Variants in MGAT4C observed in about 807,000 individuals in gnomAD.
MGAT4C encodes the protein MGAT4 family member C.
In MGAT4C, 19 loss-of-function variants were observed where a neutral mutation model predicts 40.1. That is an observed-to-expected ratio of 0.47 (90% CI 0.33 to 0.70). MGAT4C has a LOEUF of 0.70. MGAT4C is among the 30% of genes least tolerant of loss of function. The pLI is 0.02. For synonymous variants in MGAT4C, 181 were observed against 187.1 expected (o/e 0.97, Z 0.27); for missense variants, 491 against 563.2 (o/e 0.87, Z 1.30).
At chr12:86,530,232 T>C (rs989907551) in intron 2 of MGAT4C, among the ~76,000 whole-genome samples, 1 of 151,986 alleles carries the variant, frequency 6.6e-6, no homozygotes. Flanking sequence ...AAACCCCTTA[T>C]AATCCTTGGC....
At chr12:86,564,753 T>C (rs749999160) in intron 2 of MGAT4C, among the ~76,000 whole-genome samples, 3 of 152,164 alleles carry the variant, frequency 2.0e-5, no homozygotes, top group Non-Finnish European at 2.9e-5. Flanking sequence ...AGGCAACACA[T>C]GCCTCATTTG....
At chr12:86,259,987 C>A (rs1027088761), upstream of MGAT4C, among the ~76,000 whole-genome samples, 2 of 151,850 alleles carry the variant, frequency 1.3e-5, no homozygotes, top group African/African-American at 4.8e-5. Context: ...TGAGAGGAAG[C>A]TAACCAATTT....
chr12:86,650,132 A>G (rs1963655132), intron 2 of MGAT4C, among the ~76,000 whole-genome samples: 1 of 151,912 alleles, frequency 6.6e-6, no homozygotes, highest in Non-Finnish European at 1.5e-5. Flanking sequence ...CAGAATATAT[A>G]TCCTCTGACA....
chr12:86,152,671 C>A (rs1884441130), intron 1 of MGAT4C, among the ~76,000 whole-genome samples: 1 of 152,192 alleles, frequency 6.6e-6, no homozygotes, highest in Admixed American at 6.5e-5. Flanking sequence ...CTTTTATTCA[C>A]ATGACATGCA....
intron 1 of MGAT4C, among the ~76,000 whole-genome samples, chr12:86,804,764 C>T (rs934123019): frequency 6.6e-6 from 1 of 151,942 alleles, no homozygotes; most frequent in Non-Finnish European, 1.5e-5. Flanking sequence ...AACAGTTCAG[C>T]TATTTTACCT....
At chr12:86,652,479 T>C (rs1963721933) in intron 2 of MGAT4C, among the ~76,000 whole-genome samples, 1 of 151,868 alleles carries the variant, frequency 6.6e-6, no homozygotes, top group African/African-American at 2.4e-5. Context: ...AATACAGCTG[T>C]TTACATGAAG....
At chr12:86,377,387 T>G (rs1399198747) in intron 3 of MGAT4C, among the ~76,000 whole-genome samples, 1 of 152,168 alleles carries the variant, frequency 6.6e-6, no homozygotes, top group Admixed American at 6.6e-5. Context: ...CACAAAAATC[T>G]TACTGCTTTT....
At chr12:86,671,544 T>G (rs1342536880) in intron 2 of MGAT4C, among the ~76,000 whole-genome samples, 1 of 152,140 alleles carries the variant, frequency 6.6e-6, no homozygotes, top group African/African-American at 2.4e-5. Flanking sequence ...AATTATCTGT[T>G]GCCTATAAGA....
intron 2 of MGAT4C, among the ~76,000 whole-genome samples, chr12:86,601,061 T>C (rs1211121563): frequency 1.3e-5 from 2 of 152,200 alleles, no homozygotes. Context: ...AAACTGCTTC[T>C]GAGGCTGAAA....
At position 86,822,639 on chromosome 12, in the gene MGAT4C, A is replaced by G. The variant is rs547137029; in HGVS notation, c.-262+16027T>C. Among the ~76,000 whole-genome samples the G allele has an allele frequency of 5.3e-5, 8 of 151,334 alleles. No individual in the cohort carries two copies. In the East Asian group the frequency reaches 1.6e-3, roughly 29 times the overall value. On this transcript the variant is annotated intron_variant, in intron 1 of 7. Coordinates refer to the MGAT4C transcript ENST00000548651. ...ATAAAAGAGTTGCCAGGAAAATATA[A>G]CAATTATAAATATATGTGCACCCAC...
chr12:86,756,219 T>C (rs1951302120), intron 1 of MGAT4C, among the ~76,000 whole-genome samples: 1 of 152,070 alleles, frequency 6.6e-6, no homozygotes, highest in African/African-American at 2.4e-5. Context: ...AGCCACCTTT[T>C]TTCTGTGTGT....
intron 1 of MGAT4C, among the ~76,000 whole-genome samples, chr12:86,126,964 C>A (rs1006805548): frequency 2.0e-5 from 3 of 152,170 alleles, no homozygotes; most frequent in African/African-American, 7.2e-5. Context: ...TAAGTAGATT[C>A]TTACATGGAA....
At chr12:86,275,830 G>A (rs1185961149) in intron 4 of MGAT4C, among the ~76,000 whole-genome samples, 2 of 151,662 alleles carry the variant, frequency 1.3e-5, no homozygotes, top group African/African-American at 2.4e-5. Flanking sequence ...GGCTGGGCGC[G>A]GTGGCTCACG....
chr12:86,261,394 TTAAA>T (rs770213435), intron 4 of MGAT4C, among the ~76,000 whole-genome samples: 36 of 152,068 alleles, frequency 2.4e-4, no homozygotes, highest in Non-Finnish European at 4.6e-4. Context: ...GCTTGAAACC[TTAAA>T]TAAAATATAC....
At chr12:86,141,638 C>T (rs571984378) in intron 1 of MGAT4C, among the ~76,000 whole-genome samples, 1 of 151,984 alleles carries the variant, frequency 6.6e-6, no homozygotes, top group East Asian at 1.9e-4. Flanking sequence ...TTGGAATGGC[C>T]CCTATTTTTC....
intron 4 of MGAT4C, among the ~76,000 whole-genome samples, chr12:86,314,459 G>C (rs921020847): frequency 8.5e-5 from 13 of 152,096 alleles, no homozygotes; most frequent in Admixed American, 3.9e-4. Context: ...AATCAGGCAA[G>C]AGAAAAAAGT....
At chr12:86,614,359 A>T (rs894639389) in intron 2 of MGAT4C, among the ~76,000 whole-genome samples, 1 of 152,188 alleles carries the variant, frequency 6.6e-6, no homozygotes, top group East Asian at 1.9e-4. Context: ...TGAAAGCAGG[A>T]CATTTTCAAA....
chr12:86,528,600 T>C (rs979804460), intron 2 of MGAT4C, among the ~76,000 whole-genome samples: 1 of 152,028 alleles, frequency 6.6e-6, no homozygotes, highest in African/African-American at 2.4e-5. Context: ...TGGTAGAAAA[T>C]TAATTTCATG....
At chr12:86,689,110 T>C (rs980482383) in intron 2 of MGAT4C, among the ~76,000 whole-genome samples, 4 of 152,216 alleles carry the variant, frequency 2.6e-5, no homozygotes, top group African/African-American at 9.6e-5. Context: ...ATCTCTGATA[T>C]CCTTTATTTC....
Sources: allele counts gnomAD v4.1 joint callset (sites outside exome capture counted in the v4.1 genomes callset), GRCh38; gene constraint gnomAD v4.1.1; transcripts MANE v1.5; gene names NCBI Gene and HGNC (gene_info 2026-07-23, HGNC 2026-07-21).